Variants in DOCK7 observed in about 807,000 individuals in gnomAD.
The protein encoded by DOCK7 is dedicator of cytokinesis 7.
In DOCK7, 138 loss-of-function variants were observed where a neutral mutation model predicts 271.0. The ratio of observed to expected loss-of-function variants is 0.51; its 90% CI spans 0.44 to 0.59. DOCK7 has a LOEUF of 0.59. Ranked by LOEUF, DOCK7 falls within the 20% of genes least tolerant of loss-of-function variation. DOCK7 has a pLI of 0.00. For synonymous variants in DOCK7, 823 were observed against 876.1 expected, an observed-to-expected ratio of 0.94 and a Z score of 1.07; for missense variants, 2,066 against 2,592.4, an observed-to-expected ratio of 0.80 and a Z score of 4.41.
At chr1:62,494,004 G>A (rs1646542813) in intron 40 of DOCK7, among the ~76,000 whole-genome samples, 1 of 152,178 alleles carries the variant, frequency 6.6e-6, no homozygotes, top group African/African-American at 2.4e-5. Flanking sequence ...GTTAAAGTAT[G>A]TAACGGATTA....
At chr1:62,509,205 T>C (rs1644409107) in intron 34 of DOCK7, among the ~76,000 whole-genome samples, 1 of 149,152 alleles carries the variant, frequency 6.7e-6, no homozygotes, top group African/African-American at 2.5e-5. Context: ...CCCAGCTACT[T>C]GGGAGGCTGA....
Position 62,513,820 on chromosome 1 carries a change from C to T in DOCK7, c.4015G>A (p.Ala1339Thr). Residue 1339 changes from alanine to threonine, a missense_variant, in exon 32 of 50, where the codon GCA becomes ACA. Ala to Thr is a moderately conservative substitution (Grantham distance 58). Coordinates refer to ENST00000635253, the MANE Select transcript of DOCK7 (RefSeq NM_001367561.1). Reference protein sequence around the residue: ...LICLLWVLKNADETVLQKWFT... With the variant: ...LICLLWVLKNTDETVLQKWFT... Reference sequence around the variant, plus strand: ...CACTTCTGTAGAACTGTTTCATCTGCATTTTTGAGAACCCAAAGTAGACAG... The same window carrying T: ...CACTTCTGTAGAACTGTTTCATCTGTATTTTTGAGAACCCAAAGTAGACAG... 6.2e-7 allele frequency: 1 copy of T among 1,614,120 alleles called. No homozygotes were observed. The highest frequency in any genetic ancestry group is 8.5e-7 in the Non-Finnish European group (1 of 1,179,996).
At chr1:62,508,482 T>G (rs1027206217) in intron 34 of DOCK7, among the ~76,000 whole-genome samples, 2 of 152,218 alleles carry the variant, frequency 1.3e-5, no homozygotes, top group Admixed American at 1.3e-4. Flanking sequence ...GTACTTAATT[T>G]GTCTAAGGTT....
intron 43 of DOCK7, chr1:62,485,429 C>T (rs1646264662): frequency 2.0e-6 from 2 of 985,116 alleles, no homozygotes; most frequent in African/African-American, 1.7e-5. Flanking sequence ...AAAAATGAAA[C>T]ATGTGACTAA....
intron 1 of DOCK7, among the ~76,000 whole-genome samples, chr1:62,680,768 A>G (rs932391738): frequency 2.6e-5 from 4 of 151,798 alleles, no homozygotes; most frequent in African/African-American, 2.4e-5. Flanking sequence ...TATGCAGCCA[A>G]AAGACACATG....
chr1:62,455,291 A>T lies in DOCK7; in HGVS notation c.*123T>A. The T allele has an allele frequency of 9.8e-7, 1 of 1,016,584 alleles. No individual in the cohort carries two copies. Among genetic ancestry groups the T allele is most frequent in the Non-Finnish European group, 1.5e-6 (1 of 661,662 alleles). The allele number at this position is 1,016,584 out of a possible 1,614,324, so 63.0% of individuals were successfully genotyped here. A position where few individuals can be genotyped will look rare whatever the true frequency, so the allele number is the denominator to read the frequency against. On this transcript the variant is annotated 3_prime_UTR_variant, in exon 50 of 50. Transcript: ENST00000635253. ...ATCTACATTTGATATTTTCTTGGCC[A>T]CTGCATTCTTCAATGAATAATAATT...
At chr1:62,585,265 G>A (rs1330791468) in intron 15 of DOCK7, among the ~76,000 whole-genome samples, 2 of 152,084 alleles carry the variant, frequency 1.3e-5, no homozygotes, top group African/African-American at 2.4e-5. Flanking sequence ...ATGTAACTGA[G>A]GCAATAGGGT....
chr1:62,616,782 TAAAG>T (rs1289390286), intron 14 of DOCK7, among the ~76,000 whole-genome samples: 2 of 151,662 alleles, frequency 1.3e-5, no homozygotes, highest in African/African-American at 4.8e-5. Flanking sequence ...ACACCAGTGA[TAAAG>T]AAAATAATTC....
intron 11 of DOCK7, among the ~76,000 whole-genome samples, chr1:62,626,131 TA>T (rs1190345596): frequency 2.0e-5 from 3 of 152,062 alleles, no homozygotes; most frequent in Non-Finnish European, 4.4e-5. Flanking sequence ...ATAGCCCATT[TA>T]AAAAATAGCT....
intron 14 of DOCK7, among the ~76,000 whole-genome samples, chr1:62,596,362 A>G (rs980071634): frequency 1.1e-4 from 16 of 152,188 alleles, no homozygotes; most frequent in African/African-American, 3.9e-4. Context: ...CACCATATTA[A>G]TATGTCAAGA....
intron 1 of DOCK7, among the ~76,000 whole-genome samples, chr1:62,687,276 A>G (rs1661896826): frequency 6.6e-6 from 1 of 152,240 alleles, no homozygotes; most frequent in Non-Finnish European, 1.5e-5. Context: ...AATTCTACAA[A>G]TATTAGAGTC....
intron 7 of DOCK7, among the ~76,000 whole-genome samples, chr1:62,639,426 C>CTTTTTTTTTTTTTTTTTTT (rs386367151): frequency 2.6e-5 from 2 of 75,864 alleles, no homozygotes; most frequent in African/African-American, 1.2e-4. Flanking sequence ...TTGTAATACT[C>CTTTTTTTTTTTTTTTTTTT]TTTTTTTTTT....
At chr1:62,679,909 T>C (rs932222022) in intron 1 of DOCK7, among the ~76,000 whole-genome samples, 4 of 152,118 alleles carry the variant, frequency 2.6e-5, no homozygotes, top group African/African-American at 9.7e-5. Context: ...AATGGAAGAA[T>C]ATTCCATGCT....
intron 40 of DOCK7, 60 bp from the exon 41 acceptor site, chr1:62,492,907 TAAG>T: frequency 3.6e-6 from 5 of 1,390,938 alleles, no homozygotes; most frequent in Non-Finnish European, 5.0e-6. Context: ...TAAAAATGTA[TAAG>T]AAGAAATAAC....
Position 62,487,410 on chromosome 1 carries a change from A to G in DOCK7, c.5496T>C (p.Ser1832=). The G allele has an allele frequency of 6.2e-7, 1 of 1,611,256 alleles. No homozygotes were observed. The highest frequency in any genetic ancestry group is 8.5e-7 in the Non-Finnish European group (1 of 1,178,052). ...AAACATTACCTACCTCCCAGCCAGTACTCTGTATAATAAAAAGTAAAAAAG... is the reference window on the plus strand; with the variant it reads ...AAACATTACCTACCTCCCAGCCAGTGCTCTGTATAATAAAAAGTAAAAAAG... ...QEAFSKIVHQ[S]TGWERMFGTY... The change falls in exon 43 of 50, where the codon AGT becomes AGC. Residue 1832 remains serine (S), a splice_region_variant and synonymous_variant. Coordinates refer to ENST00000635253, the MANE Select transcript of DOCK7 (RefSeq NM_001367561.1).
intron 18 of DOCK7, among the ~76,000 whole-genome samples, chr1:62,573,440 C>G (rs1031419753): frequency 6.6e-6 from 1 of 152,038 alleles, no homozygotes; most frequent in African/African-American, 2.4e-5. Context: ...AGAATGAAAC[C>G]ACCTAATTTT....
At chr1:62,678,613 A>G (rs544924815) in intron 1 of DOCK7, among the ~76,000 whole-genome samples, 1 of 152,176 alleles carries the variant, frequency 6.6e-6, no homozygotes, top group Non-Finnish European at 1.5e-5. Flanking sequence ...ATCAAATTCT[A>G]TGAGTTTTGG....
At chr1:62,665,516 C>A (rs941923947) in intron 1 of DOCK7, among the ~76,000 whole-genome samples, 1 of 151,210 alleles carries the variant, frequency 6.6e-6, no homozygotes. Flanking sequence ...CCATCCTGAA[C>A]AACGTGGTGA....
intron 31 of DOCK7, among the ~76,000 whole-genome samples, chr1:62,525,848 T>C (rs999852865): frequency 2.0e-5 from 3 of 152,326 alleles, no homozygotes; most frequent in East Asian, 1.9e-4. Context: ...AGATAATCCA[T>C]AGGAAGGGAG....
Sources: allele counts gnomAD v4.1 joint callset (sites outside exome capture counted in the v4.1 genomes callset), GRCh38; gene constraint gnomAD v4.1.1; transcripts MANE v1.5; gene names NCBI Gene and HGNC (gene_info 2026-07-23, HGNC 2026-07-21).